LGSN: variants seen among roughly 807,000 people sequenced by gnomAD.
The protein encoded by LGSN is lengsin.
A neutral mutation model predicts 19.5 loss-of-function variants in LGSN; 21 were observed. That is an observed-to-expected ratio of 1.07 (90% CI 0.76 to 1.55). The LOEUF is 1.55. Among genes scored for constraint, LGSN ranks in the 40% most tolerant of loss-of-function variants. The probability of loss-of-function intolerance (pLI) is 0.00; values close to 1 mark genes in which losing one functional copy is unlikely to be tolerated. For synonymous variants in LGSN, 257 were observed against 215.6 expected, an observed-to-expected ratio of 1.19 and a Z score of -1.68; for missense variants, 673 against 608.5, an observed-to-expected ratio of 1.11 and a Z score of -1.12.
chr6:63,386,762 G>A, the LGSN span, among the ~76,000 whole-genome samples: 2 of 152,200 alleles, frequency 1.3e-5, no homozygotes, highest in South Asian at 4.2e-4. Flanking sequence ...GTTTCTGTAA[G>A]GGGATATTAT....
chr6:63,304,761 T>C (rs1768315093), intron 1 of LGSN, among the ~76,000 whole-genome samples: 1 of 152,206 alleles, frequency 6.6e-6, no homozygotes, highest in South Asian at 2.1e-4. Context: ...GTATGCTATA[T>C]TCTCTCCAAA....
the LGSN span, among the ~76,000 whole-genome samples, chr6:63,347,539 T>G: frequency 1.3e-5 from 2 of 152,240 alleles, no homozygotes; most frequent in South Asian, 4.1e-4. Flanking sequence ...CCATCATTAT[T>G]CCATCAGTTC....
the LGSN span, among the ~76,000 whole-genome samples, chr6:63,417,597 A>G: frequency 6.6e-6 from 1 of 152,230 alleles, no homozygotes; most frequent in Non-Finnish European, 1.5e-5. Context: ...TCTGGACCCT[A>G]ACTATACTAT....
At chr6:63,293,883 A>C (rs774506307) in intron 2 of LGSN, 1 of 407,644 alleles carries the variant, frequency 2.5e-6, no homozygotes, top group South Asian at 1.8e-5. Context: ...AAATGTTAAA[A>C]TATGTTTCCA....
At chr6:63,569,132 G>C in the LGSN span, among the ~76,000 whole-genome samples, 2 of 152,134 alleles carry the variant, frequency 1.3e-5, no homozygotes, top group African/African-American at 4.8e-5. Flanking sequence ...TTGGTAAAAT[G>C]GAATCAATGT....
At chr6:63,323,565 C>T (rs900332654), upstream of LGSN, among the ~76,000 whole-genome samples, 273 of 109,986 alleles carry the variant, frequency 2.5e-3, 2 homozygotes, top group African/African-American at 9.7e-3. Context: ...CATATACACA[C>T]ACACACACAC....
chr6:63,375,997 T>C, the LGSN span, among the ~76,000 whole-genome samples: 13 of 152,174 alleles, frequency 8.5e-5, no homozygotes, highest in East Asian at 2.5e-3. Flanking sequence ...GTAATTTTCT[T>C]AATGTCACAA....
chr6:63,379,687 CAG>C, the LGSN span, among the ~76,000 whole-genome samples: 2 of 152,140 alleles, frequency 1.3e-5, no homozygotes, highest in African/African-American at 4.8e-5. Context: ...GTTAAAAATA[CAG>C]AGTCTTAGTT....
the LGSN span, among the ~76,000 whole-genome samples, chr6:63,566,652 C>G: frequency 6.6e-6 from 1 of 152,320 alleles, no homozygotes; most frequent in South Asian, 2.1e-4. Flanking sequence ...GAGAATCCTG[C>G]CTCAGTGATG....
the LGSN span, among the ~76,000 whole-genome samples, chr6:63,555,775 C>T: frequency 6.6e-6 from 1 of 150,518 alleles, no homozygotes; most frequent in African/African-American, 2.5e-5. Context: ...CTCACTGCAA[C>T]TTCTGCCTCC....
chr6:63,343,675 A>C, the LGSN span, among the ~76,000 whole-genome samples: 6 of 152,154 alleles, frequency 3.9e-5, no homozygotes, highest in African/African-American at 1.4e-4. Context: ...ATCCCCCAAG[A>C]TTTCCTTCCT....
At chr6:63,485,816 C>T in the LGSN span, among the ~76,000 whole-genome samples, 1 of 152,104 alleles carries the variant, frequency 6.6e-6, no homozygotes, top group Non-Finnish European at 1.5e-5. Context: ...GCAACCTCTG[C>T]CTCCCGGGTT....
the LGSN span, among the ~76,000 whole-genome samples, chr6:63,388,161 C>G: frequency 2.0e-5 from 3 of 151,956 alleles, no homozygotes; most frequent in Admixed American, 2.0e-4. Flanking sequence ...ATGCCTGTAG[C>G]CACCATGCCC....
chr6:63,352,639 TCTCTCTCTCTCTCTTC>T, the LGSN span, among the ~76,000 whole-genome samples: 8 of 149,464 alleles, frequency 5.4e-5, no homozygotes, highest in African/African-American at 1.7e-4. Context: ...CCAGTCTGTC[TCTCTCTCTCTCTCTTC>T]CTCTCTCTCT....
At position 63,278,925 on chromosome 6, in the gene LGSN, A is replaced by G. The variant is rs1279146612; in HGVS notation, c.*1096T>C. On this transcript the variant is annotated 3_prime_UTR_variant, in exon 4 of 4. Transcript: ENST00000370657. ...CTACAGTCAGTTTTAATTGAACATA[A>G]AATCTGCTGTTTGATCCTAAGCAGT... 2 of 152,178 alleles carry G rather than the reference A, an allele frequency of 1.3e-5. No individual in the cohort carries two copies. The highest frequency in any genetic ancestry group is 2.9e-5 in the Non-Finnish European group (2 of 68,026). The allele number at this position is 152,178 out of a possible 1,614,324, so 9.4% of individuals were successfully genotyped here.
At chr6:63,364,893 CAA>C in the LGSN span, among the ~76,000 whole-genome samples, 965 of 152,228 alleles carry the variant, frequency 6.3e-3, 9 homozygotes, top group South Asian at 0.027. Context: ...CCAATGAGAA[CAA>C]AGACACAACA....
At chr6:63,412,713 AGGAAG>A in the LGSN span, among the ~76,000 whole-genome samples, 1 of 93,126 alleles carries the variant, frequency 1.1e-5, no homozygotes, top group Non-Finnish European at 2.0e-5. Flanking sequence ...GAAAGAGGGA[AGGAAG>A]GAAAGAAAGA....
chr6:63,316,577 A>G (rs1287265738), intron 1 of LGSN, among the ~76,000 whole-genome samples: 1 of 152,204 alleles, frequency 6.6e-6, no homozygotes, highest in East Asian at 1.9e-4. Flanking sequence ...TTTATTTAGT[A>G]TGTTCATAAT....
intron 1 of LGSN, among the ~76,000 whole-genome samples, chr6:63,309,890 T>C (rs1768554678): frequency 6.6e-6 from 1 of 152,234 alleles, no homozygotes; most frequent in South Asian, 2.1e-4. Flanking sequence ...ACCCTTCTTC[T>C]ATTCATCCTT....
Sources: allele counts gnomAD v4.1 joint callset (sites outside exome capture counted in the v4.1 genomes callset), GRCh38; gene constraint gnomAD v4.1.1; transcripts MANE v1.5; gene names NCBI Gene and HGNC (gene_info 2026-07-23, HGNC 2026-07-21).